UNC5D: variants seen among roughly 807,000 people sequenced by gnomAD.
UNC5D encodes the protein netrin receptor UNC5D.
In UNC5D, 39 loss-of-function variants were observed where a neutral mutation model predicts 105.4. The observed-to-expected ratio is 0.37, with a 90% confidence interval of 0.29 to 0.48. UNC5D has a LOEUF of 0.48. Among genes scored for constraint, UNC5D ranks in the 20% least tolerant of loss-of-function variants. UNC5D has a pLI of 0.98. For missense variants in UNC5D, 991 were observed against 1,202.4 expected, an observed-to-expected ratio of 0.82 and a Z score of 2.60; for synonymous variants, 452 against 450.4, an observed-to-expected ratio of 1.00 and a Z score of -0.04.
intron 3 of UNC5D, among the ~76,000 whole-genome samples, chr8:35,578,247 A>C (rs962465932): frequency 2.1e-5 from 3 of 142,686 alleles, no homozygotes; most frequent in Admixed American, 2.1e-4. Context: ...AAAAAAAGAA[A>C]GAAAAAAGAA....
At chr8:35,761,060 C>T (rs1801510936) in intron 14 of UNC5D, among the ~76,000 whole-genome samples, 1 of 152,110 alleles carries the variant, frequency 6.6e-6, no homozygotes, top group African/African-American at 2.4e-5. Flanking sequence ...GGGCCAGGGG[C>T]ACATTCACCA....
At chr8:35,477,322 T>C (rs967076268) in intron 1 of UNC5D, among the ~76,000 whole-genome samples, 1 of 152,096 alleles carries the variant, frequency 6.6e-6, no homozygotes, top group African/African-American at 2.4e-5. Context: ...CTGAGACTCA[T>C]AGTATTTTAT....
At chr8:35,520,056 C>T (rs1055517861) in intron 1 of UNC5D, among the ~76,000 whole-genome samples, 5 of 152,042 alleles carry the variant, frequency 3.3e-5, no homozygotes, top group African/African-American at 9.7e-5. Context: ...CCCAATTTTA[C>T]ACCTAGGTTA....
At chr8:35,672,459 T>G (rs1586389065) in intron 4 of UNC5D, among the ~76,000 whole-genome samples, 1 of 152,274 alleles carries the variant, frequency 6.6e-6, no homozygotes, top group East Asian at 1.9e-4. Context: ...TTTAGAGCAC[T>G]CTGGATATCA....
At chr8:35,314,966 A>G (rs942069444) in intron 1 of UNC5D, among the ~76,000 whole-genome samples, 2 of 152,178 alleles carry the variant, frequency 1.3e-5, no homozygotes, top group Admixed American at 6.5e-5. Flanking sequence ...TAAGAGAATT[A>G]GGAGTTTATC....
At chr8:35,542,934 G>A (rs977553768) in intron 1 of UNC5D, among the ~76,000 whole-genome samples, 1 of 152,150 alleles carries the variant, frequency 6.6e-6, no homozygotes, top group African/African-American at 2.4e-5. Context: ...TGGTCATGGT[G>A]CCACATGATA....
intron 1 of UNC5D, among the ~76,000 whole-genome samples, chr8:35,243,413 G>A (rs921795694): frequency 1.3e-5 from 2 of 152,088 alleles, no homozygotes; most frequent in South Asian, 4.1e-4. Flanking sequence ...ATTTCCTTTT[G>A]AGCTAATTGG....
chr8:35,785,314 A>G, intron 16 of UNC5D, among the ~76,000 whole-genome samples: 1 of 152,214 alleles, frequency 6.6e-6, no homozygotes, highest in East Asian at 1.9e-4. Context: ...GTAAGCAGCA[A>G]AATAATTCAA....
At chr8:35,240,853 A>G (rs1202813408) in intron 1 of UNC5D, among the ~76,000 whole-genome samples, 1 of 152,172 alleles carries the variant, frequency 6.6e-6, no homozygotes, top group East Asian at 1.9e-4. Flanking sequence ...TTTGAAAATA[A>G]CCGCCCTCTC....
At chr8:35,567,998 G>C in intron 2 of UNC5D, 100 bp from the exon 3 acceptor site, 11 of 1,507,646 alleles carry the variant, frequency 7.3e-6, no homozygotes, top group Non-Finnish European at 9.8e-6. Context: ...TTAAAAACAG[G>C]ATTGTTTAAT....
intron 4 of UNC5D, among the ~76,000 whole-genome samples, chr8:35,648,228 A>G (rs1823176687): frequency 6.6e-6 from 1 of 152,182 alleles, no homozygotes; most frequent in Non-Finnish European, 1.5e-5. Context: ...TTATCTTTCT[A>G]GTACAAAATT....
intron 1 of UNC5D, among the ~76,000 whole-genome samples, chr8:35,381,156 A>C (rs760755220): frequency 2.0e-5 from 3 of 152,192 alleles, no homozygotes; most frequent in Admixed American, 6.5e-5. Context: ...TATGATAGCC[A>C]GCATTAAAAA....
rs905987198 is a variant in UNC5D at position 35,486,485 on chromosome 8, C to T, written c.104-62807C>T. The stretch of plus-strand genomic sequence containing the variant: ...TCGATCTTTTCTACTCCATAGGACA[C>T]TTAGGAGGATTTGAACCTTTAAAAA... On this transcript the variant is annotated intron_variant, in intron 1 of 16. Transcript: ENST00000404895. Among the ~76,000 whole-genome samples the T allele has an allele frequency of 3.3e-5, 5 of 152,098 alleles. 1 individual carries two copies. The highest frequency in any genetic ancestry group is 7.4e-5 in the Non-Finnish European group (5 of 68,020).
chr8:35,534,830 A>G (rs1814712371), intron 1 of UNC5D, among the ~76,000 whole-genome samples: 1 of 152,006 alleles, frequency 6.6e-6, no homozygotes, highest in Non-Finnish European at 1.5e-5. Context: ...ATATATACAT[A>G]TATATAGTGT....
chr8:35,719,189 ACTTTCTCC>A (rs1396502344), intron 8 of UNC5D, among the ~76,000 whole-genome samples: 1 of 90,604 alleles, frequency 1.1e-5, no homozygotes, highest in Non-Finnish European at 2.7e-5. Flanking sequence ...CACACACACG[ACTTTCTCC>A]CTTCTCTCAT....
chr8:35,491,039 T>C (rs1563468217), intron 1 of UNC5D, among the ~76,000 whole-genome samples: 1 of 152,142 alleles, frequency 6.6e-6, no homozygotes. Context: ...AATGTAAGCA[T>C]GAATAGTCTT....
chr8:35,326,314 G>C (rs144453290), intron 1 of UNC5D, among the ~76,000 whole-genome samples: 13 of 152,294 alleles, frequency 8.5e-5, no homozygotes, highest in Non-Finnish European at 1.3e-4. Context: ...GCTGCACAGG[G>C]AAATTGAAAA....
At chr8:35,519,675 G>A (rs899928562) in intron 1 of UNC5D, among the ~76,000 whole-genome samples, 8 of 151,924 alleles carry the variant, frequency 5.3e-5, no homozygotes, top group Non-Finnish European at 1.0e-4. Context: ...AGTAAATCAC[G>A]ATATTTTCAC....
chr8:35,688,574 A>G (rs1445527912), intron 7 of UNC5D, among the ~76,000 whole-genome samples: 1 of 152,186 alleles, frequency 6.6e-6, no homozygotes, highest in Admixed American at 6.5e-5. Flanking sequence ...AAGACCACCT[A>G]CCCACCAGTT....
Sources: gnomAD v4.1 joint callset for allele counts (sites outside exome capture counted in the v4.1 genomes callset) on GRCh38, gnomAD v4.1.1 for gene constraint, MANE v1.5 for transcripts, NCBI Gene and HGNC (gene_info 2026-07-23, HGNC 2026-07-21) for gene names.